Variants in BCAS4 observed in about 807,000 individuals in gnomAD.
The protein encoded by BCAS4 is breast carcinoma amplified sequence 4, also known as breast carcinoma-amplified sequence 4.
BCAS4 carries 9 observed loss-of-function variants against 15.7 expected under a neutral mutation model. That is an observed-to-expected ratio of 0.57 (90% CI 0.34 to 1.00). BCAS4 has a LOEUF of 1.00. BCAS4 is among the 50% of genes least tolerant of loss of function. BCAS4 has a pLI of 0.02. For synonymous variants in BCAS4, 101 were observed against 99.5 expected, an observed-to-expected ratio of 1.02 and a Z score of -0.09; for missense variants, 225 against 239.1, an observed-to-expected ratio of 0.94 and a Z score of 0.39.
At chr20:50,863,246 T>G in intron 4 of BCAS4, among the ~76,000 whole-genome samples, 1 of 140,672 alleles carries the variant, frequency 7.1e-6, no homozygotes, top group Non-Finnish European at 1.5e-5. Flanking sequence ...AGCTAACTGG[T>G]GCTTTTTTTT....
At chr20:50,822,005 C>A (rs2088222029) in intron 2 of BCAS4, among the ~76,000 whole-genome samples, 1 of 152,126 alleles carries the variant, frequency 6.6e-6, no homozygotes, top group Admixed American at 6.5e-5. Flanking sequence ...GTCAAACTAC[C>A]CGAAAATTTG....
At chr20:50,844,262 C>G (rs956446525) in intron 4 of BCAS4, among the ~76,000 whole-genome samples, 1 of 151,994 alleles carries the variant, frequency 6.6e-6, no homozygotes, top group Non-Finnish European at 1.5e-5. Context: ...GGCAACAAAG[C>G]AAGACCTTGT....
intron 1 of BCAS4, among the ~76,000 whole-genome samples, chr20:50,799,309 A>G (rs2087900905): frequency 6.6e-6 from 1 of 152,184 alleles, no homozygotes; most frequent in South Asian, 2.1e-4. Flanking sequence ...GATTTGTAAT[A>G]AAGAGCCCCA....
intron 4 of BCAS4, among the ~76,000 whole-genome samples, chr20:50,871,639 G>A (rs563518141): frequency 2.0e-5 from 3 of 152,236 alleles, no homozygotes; most frequent in Admixed American, 6.5e-5. Flanking sequence ...TAGGGTTCAC[G>A]CGCTCCAAGT....
chr20:50,826,256 C>A (rs1336216531), intron 2 of BCAS4, among the ~76,000 whole-genome samples: 2 of 152,188 alleles, frequency 1.3e-5, no homozygotes, highest in Non-Finnish European at 2.9e-5. Context: ...GAGGACCTTT[C>A]CCTGTCACTG....
intron 2 of BCAS4, among the ~76,000 whole-genome samples, chr20:50,828,030 C>CA (rs746068885): frequency 1.9e-3 from 290 of 151,312 alleles, no homozygotes; most frequent in African/African-American, 6.5e-3. Context: ...GCCCGGCCTT[C>CA]AAAAATTTTT....
intron 4 of BCAS4, among the ~76,000 whole-genome samples, chr20:50,856,008 G>A (rs60671669): frequency 0.021 from 3,257 of 152,326 alleles, 125 homozygotes; most frequent in African/African-American, 0.073. Context: ...AAAGGCCTGC[G>A]GGAGGGAAGA....
At chr20:50,814,859 G>A (rs187578206) in intron 1 of BCAS4, among the ~76,000 whole-genome samples, 1 of 152,306 alleles carries the variant, frequency 6.6e-6, no homozygotes, top group Admixed American at 6.5e-5. Context: ...TATAATATCA[G>A]CACTTTGGGA....
chr20:50,873,655 T>G (rs1979768441), intron 4 of BCAS4, among the ~76,000 whole-genome samples: 1 of 152,202 alleles, frequency 6.6e-6, no homozygotes, highest in Admixed American at 6.5e-5. Context: ...GTGTTCTGAT[T>G]GCAGTGCCAT....
At chr20:50,859,224 G>C (rs935242371) in intron 4 of BCAS4, among the ~76,000 whole-genome samples, 2 of 152,154 alleles carry the variant, frequency 1.3e-5, no homozygotes, top group African/African-American at 4.8e-5. Flanking sequence ...TTACAGGCTT[G>C]AGCGACCACG....
chr20:50,800,559 CTTTTTTTTTTTT>C (rs562113048), intron 1 of BCAS4, among the ~76,000 whole-genome samples: 1 of 112,630 alleles, frequency 8.9e-6, no homozygotes, highest in Non-Finnish European at 1.8e-5. Context: ...TTGAACATCC[CTTTTTTTTTTTT>C]TTTTTTTTTG....
chr20:50,866,916 C>A (rs1568685364), intron 4 of BCAS4, among the ~76,000 whole-genome samples: 1 of 152,182 alleles, frequency 6.6e-6, no homozygotes, highest in African/African-American at 2.4e-5. Context: ...TGCTCTGTGA[C>A]CTTTCAGGTC....
intron 4 of BCAS4, among the ~76,000 whole-genome samples, chr20:50,865,701 G>GCCT (rs1979322094): frequency 6.6e-6 from 1 of 152,196 alleles, no homozygotes; most frequent in Non-Finnish European, 1.5e-5. Flanking sequence ...TCCACCAGCT[G>GCCT]CTGTGGTCAC....
At chr20:50,848,351 G>C (rs1187408938) in intron 4 of BCAS4, among the ~76,000 whole-genome samples, 2 of 152,188 alleles carry the variant, frequency 1.3e-5, no homozygotes, top group African/African-American at 2.4e-5. Context: ...AGAGCTAGAT[G>C]ATGAGTAAGT....
chr20:50,820,674 G>A (rs2088203097), intron 2 of BCAS4, among the ~76,000 whole-genome samples: 1 of 152,194 alleles, frequency 6.6e-6, no homozygotes. Context: ...AAGTCCATGT[G>A]GACAGGCGGA....
intron 4 of BCAS4, among the ~76,000 whole-genome samples, chr20:50,853,720 G>A (rs1370509850): frequency 4.1e-5 from 6 of 146,124 alleles, no homozygotes; most frequent in Admixed American, 1.4e-4. Context: ...TGTGTACTGG[G>A]GGGTGTTTTG....
At chr20:50,839,363 T>G (rs1291547583) in intron 3 of BCAS4, among the ~76,000 whole-genome samples, 2 of 152,050 alleles carry the variant, frequency 1.3e-5, no homozygotes, top group Non-Finnish European at 2.9e-5. Flanking sequence ...TGAACAGTAT[T>G]TTTTTTTAAA....
chr20:50,819,560 T>G (rs139985247), intron 2 of BCAS4, among the ~76,000 whole-genome samples: 160 of 152,206 alleles, frequency 1.1e-3, no homozygotes, highest in African/African-American at 3.8e-3. Context: ...AAAGCCACCC[T>G]AGACAGCAGG....
At chr20:50,819,376 A>G (rs562536138) in intron 2 of BCAS4, among the ~76,000 whole-genome samples, 4 of 152,204 alleles carry the variant, frequency 2.6e-5, no homozygotes, top group Admixed American at 2.6e-4. Flanking sequence ...TATTGTGACC[A>G]GGCCCTGTGT....
Sources: allele counts gnomAD v4.1 joint callset (sites outside exome capture counted in the v4.1 genomes callset), GRCh38; gene constraint gnomAD v4.1.1; transcripts MANE v1.5; gene names NCBI Gene and HGNC (gene_info 2026-07-23, HGNC 2026-07-21).